RFTN1: variants seen among roughly 807,000 people sequenced by gnomAD.
The protein encoded by RFTN1 is raftlin.
A neutral mutation model predicts 46.5 loss-of-function variants in RFTN1; 26 were observed. That is an observed-to-expected ratio of 0.56 (90% CI 0.41 to 0.78). The LOEUF is 0.78. RFTN1 is among the 30% of genes least tolerant of loss of function. The pLI is 0.00. For synonymous variants in RFTN1, 261 were observed against 284.2 expected, an observed-to-expected ratio of 0.92 and a Z score of 0.82; for missense variants, 693 against 718.7, an observed-to-expected ratio of 0.96 and a Z score of 0.41.
rs768686663 is a variant in RFTN1 at position 16,357,992 on chromosome 3, T to C, written c.1086A>G (p.Glu362=). The C allele has an allele frequency of 1.2e-5, 19 of 1,613,618 alleles. 1 individual carries two copies. The South Asian group carries it at 1.9e-4, about 16-fold the overall frequency. ...CATAGCCCTGTATGGTTTTGCTATCTTCTGTGGAAACAGCTTCAAAGATGA... is the reference window on the plus strand; with the variant it reads ...CATAGCCCTGTATGGTTTTGCTATCCTCTGTGGAAACAGCTTCAAAGATGA... ...GVFIFEAVST[E]DSKTIQGYDA... is the part of the protein sequence containing the mutation. Residue 362 remains glutamate (E), a synonymous_variant, in exon 7 of 10, where the codon GAA becomes GAG. Transcript: ENST00000334133.
chr3:16,461,786 C>A (rs2076011627), intron 2 of RFTN1, among the ~76,000 whole-genome samples: 1 of 152,128 alleles, frequency 6.6e-6, no homozygotes, highest in Non-Finnish European at 1.5e-5. Context: ...GTAATTTTTC[C>A]TTCCAGTACA....
rs1193599681 is a variant in RFTN1 at position 16,427,851 on chromosome 3, G to C, written c.332+6000C>G. 6.6e-6 allele frequency among the ~76,000 whole-genome samples: 1 copy of C among 152,026 alleles called. No homozygotes were observed. The highest frequency in any genetic ancestry group is 1.5e-5 in the Non-Finnish European group (1 of 68,020). On this transcript the variant is annotated intron_variant, in intron 3 of 9. Transcript: ENST00000334133. This position sits in a 1 kb window ranked among gnomAD's most constrained non-coding sequence, Gnocchi z 5.4. ...GTTCCACAATGTCAATAGTGGGAAG[G>C]CCCTTCCCACTTTTTCACTCCCTAT... is the stretch of plus-strand genomic sequence containing the variant.
In RFTN1 at chr3:16,512,070, C is replaced by G. The variant is rs778075303; in HGVS notation, c.-9+1372G>C. ...TAGAGTGATTTCACTGAGGTTAGCACACACGCACCAAAGAGTCCCAAACAG... is the reference window on the plus strand; with the variant it reads ...TAGAGTGATTTCACTGAGGTTAGCAGACACGCACCAAAGAGTCCCAAACAG... On this transcript the variant is annotated intron_variant, in intron 1 of 9. Transcript: ENST00000334133. The surrounding 1 kb of genome is among the most constrained non-coding windows in gnomAD (Gnocchi z 4.3). Among the ~76,000 whole-genome samples, 21 of 152,238 alleles carry G rather than the reference C, an allele frequency of 1.4e-4. No individual in the cohort carries two copies. The highest frequency in any genetic ancestry group is 2.8e-4 in the Non-Finnish European group (19 of 68,008).
At chr3:16,495,775 G>A (rs2076614563) in intron 1 of RFTN1, among the ~76,000 whole-genome samples, 1 of 152,226 alleles carries the variant, frequency 6.6e-6, no homozygotes, top group Admixed American at 6.5e-5. Context: ...TTCGAAAAAG[G>A]TGCCCCCTCT....
intron 1 of RFTN1, among the ~76,000 whole-genome samples, chr3:16,502,661 G>C (rs962160006): frequency 6.6e-6 from 1 of 152,232 alleles, no homozygotes; most frequent in Non-Finnish European, 1.5e-5. Context: ...CACTCTATCA[G>C]CAGGATGAAG....
At chr3:16,492,590 G>A (rs1342538505) in intron 2 of RFTN1, among the ~76,000 whole-genome samples, 1 of 152,154 alleles carries the variant, frequency 6.6e-6, no homozygotes, top group Non-Finnish European at 1.5e-5. Flanking sequence ...GATCATAGAA[G>A]CTTAAAGTAT....
chr3:16,379,515 A>G (rs1417549831), intron 4 of RFTN1, among the ~76,000 whole-genome samples: 1 of 152,236 alleles, frequency 6.6e-6, no homozygotes, highest in Non-Finnish European at 1.5e-5. Flanking sequence ...GCCCAGAGAC[A>G]TTAAAGTCAT....
intron 6 of RFTN1, among the ~76,000 whole-genome samples, chr3:16,362,704 A>G (rs538971066): frequency 6.6e-6 from 1 of 152,358 alleles, no homozygotes; most frequent in South Asian, 2.1e-4. Flanking sequence ...AGATCTTCTC[A>G]ATGGAAAACC....
intron 4 of RFTN1, among the ~76,000 whole-genome samples, chr3:16,388,991 A>G (rs1271912683): frequency 2.0e-5 from 3 of 152,218 alleles, no homozygotes; most frequent in African/African-American, 7.2e-5. Flanking sequence ...TCTCAGCACC[A>G]CAGTTAAATG....
intron 2 of RFTN1, among the ~76,000 whole-genome samples, chr3:16,467,586 C>T (rs926518397): frequency 2.6e-5 from 4 of 152,178 alleles, no homozygotes; most frequent in African/African-American, 4.8e-5. Context: ...GGCCTGAGCC[C>T]GGGGAATGCC....
chr3:16,323,439 G>T lies in RFTN1; in HGVS notation c.1269C>A (p.Thr423=), dbSNP rs774327152. 4.3e-6 allele frequency: 7 copies of T among 1,612,458 alleles called. No homozygotes were observed. The highest frequency in any genetic ancestry group is 5.9e-6 in the Non-Finnish European group (7 of 1,178,596). ...VKTTSEGSVS[T]KQIVFLQRPC... ...GTCTCTGAAGAAAGACAATCTGCTT[G>T]GTGGATACACTCCCCTCGCTGTAAC... The change falls in exon 9 of 10, where the codon ACC becomes ACA. Residue 423 remains threonine (T), a synonymous_variant. Transcript: ENST00000334133.
At chr3:16,401,261 C>T (rs1296982234) in intron 4 of RFTN1, among the ~76,000 whole-genome samples, 1 of 149,418 alleles carries the variant, frequency 6.7e-6, no homozygotes, top group Admixed American at 6.7e-5. Context: ...TAGGTCGAGG[C>T]TTCAGTGAGC....
intron 7 of RFTN1, among the ~76,000 whole-genome samples, chr3:16,340,775 A>G (rs1369502748): frequency 1.3e-5 from 2 of 152,240 alleles, no homozygotes; most frequent in African/African-American, 4.8e-5. Flanking sequence ...AACAACATCA[A>G]GAATTTTCAA....
intron 7 of RFTN1, among the ~76,000 whole-genome samples, chr3:16,347,235 A>G (rs1484887831): frequency 6.6e-6 from 1 of 152,206 alleles, no homozygotes; most frequent in East Asian, 1.9e-4. Flanking sequence ...ACATGCAAAC[A>G]TACTGTCAAG....
chr3:16,494,972 G>T (rs1306924803), intron 1 of RFTN1, among the ~76,000 whole-genome samples: 1 of 152,160 alleles, frequency 6.6e-6, no homozygotes, highest in South Asian at 2.1e-4. Context: ...AAGGCAATTT[G>T]GCAAGCTCCA....
At chr3:16,477,321 A>C (rs2076298199) in intron 2 of RFTN1, among the ~76,000 whole-genome samples, 1 of 152,248 alleles carries the variant, frequency 6.6e-6, no homozygotes, top group Non-Finnish European at 1.5e-5. Context: ...AATTCCCAGC[A>C]GGAAAGTGTG....
Position 16,370,550 on chromosome 3 carries a change from G to T in RFTN1, c.827-271C>A, listed in dbSNP as rs527569678. ...AATATAATGAATAGCTGTTATCTGCGATTAATAGGCACAGCTAGGTGTTTG... is the reference window on the plus strand; with the variant it reads ...AATATAATGAATAGCTGTTATCTGCTATTAATAGGCACAGCTAGGTGTTTG... On this transcript the variant is annotated intron_variant, in intron 5 of 9. Transcript: ENST00000334133. The surrounding 1 kb of genome is among the most constrained non-coding windows in gnomAD (Gnocchi z 5.5). Among the ~76,000 whole-genome samples, 4 of 152,300 alleles carry T rather than the reference G, an allele frequency of 2.6e-5. No homozygotes were observed. The highest frequency in any genetic ancestry group is 2.1e-4 in the South Asian group (1 of 4,816).
At chr3:16,390,733 A>G (rs970348239) in intron 4 of RFTN1, among the ~76,000 whole-genome samples, 2 of 152,194 alleles carry the variant, frequency 1.3e-5, no homozygotes, top group African/African-American at 4.8e-5. Context: ...TTCTTAAGGC[A>G]TCATAACGAG....
intron 6 of RFTN1, among the ~76,000 whole-genome samples, chr3:16,359,369 C>T (rs2072682960): frequency 6.6e-6 from 1 of 152,110 alleles, no homozygotes. Context: ...TGTTGAAGCC[C>T]TAACCCACAA....
Sources: allele counts gnomAD v4.1 joint callset (sites outside exome capture counted in the v4.1 genomes callset), GRCh38; gene constraint gnomAD v4.1.1; non-coding constraint Gnocchi (gnomAD v3.1); transcripts MANE v1.5; gene names NCBI Gene and HGNC (gene_info 2026-07-23, HGNC 2026-07-21).